PAPPA2: variants seen among roughly 807,000 people sequenced by gnomAD.
The protein encoded by PAPPA2 is pappalysin-2.
Under a neutral mutation model 176.4 loss-of-function variants are expected in PAPPA2, and 86 were observed. The ratio of observed to expected loss-of-function variants is 0.49; its 90% CI spans 0.41 to 0.58. PAPPA2 has a LOEUF of 0.58. PAPPA2 is among the 20% of genes least tolerant of loss of function. The pLI, the probability that PAPPA2 is intolerant of heterozygous loss-of-function variation, is 0.00. For synonymous variants in PAPPA2, 809 were observed against 852.2 expected (o/e 0.95, Z 0.88); for missense variants, 2,073 against 2,256.9 (o/e 0.92, Z 1.65).
chr1:176,484,552 G>T (rs2223579), intron 1 of PAPPA2, among the ~76,000 whole-genome samples: 113,347 of 152,114 alleles, frequency 0.75, 43,378 homozygotes, highest in East Asian at 0.96. Context: ...GCCATTTTTC[G>T]GTTTGCTTTG....
rs527596350 is a variant in PAPPA2 at position 176,566,294 on chromosome 1, C to T, written c.919+9053C>T. 2.0e-5 allele frequency among the ~76,000 whole-genome samples: 3 copies of T among 152,204 alleles called. No homozygotes were observed. In the East Asian group the frequency reaches 5.8e-4, roughly 29 times the overall value. On this transcript the variant is annotated intron_variant, in intron 2 of 22. Transcript: ENST00000367662. ...GCAGGTGGGGGAAGGAGAATCACTTCCAGGCAGTGGTGTAGAGGGGTTTTC... is the reference window on the plus strand; with the variant it reads ...GCAGGTGGGGGAAGGAGAATCACTTTCAGGCAGTGGTGTAGAGGGGTTTTC...
At chr1:176,537,022 C>A (rs558753062) in intron 1 of PAPPA2, among the ~76,000 whole-genome samples, 1 of 152,234 alleles carries the variant, frequency 6.6e-6, no homozygotes, top group South Asian at 2.1e-4. Context: ...TCTGTGTGAA[C>A]CTTAGTTATT....
chr1:176,691,760 A>G (rs1033020990), intron 5 of PAPPA2, among the ~76,000 whole-genome samples: 1 of 152,206 alleles, frequency 6.6e-6, no homozygotes, highest in African/African-American at 2.4e-5. Context: ...TCACTGGGCA[A>G]TAAAGCAGGT....
intron 2 of PAPPA2, among the ~76,000 whole-genome samples, chr1:176,590,537 G>A (rs1653594690): frequency 6.6e-6 from 1 of 152,052 alleles, no homozygotes; most frequent in African/African-American, 2.4e-5. Flanking sequence ...CACAGCTAAT[G>A]TTTATTAATC....
chr1:176,568,001 G>A lies in PAPPA2; in HGVS notation c.919+10760G>A, dbSNP rs545523187. ...GCAGTTTCACACCTCAGTTGTGGGT[G>A]CATCCACATCACATTAAGTAGAGAT... On this transcript the variant is annotated intron_variant, in intron 2 of 22. Transcript: ENST00000367662. 2.0e-5 allele frequency among the ~76,000 whole-genome samples: 3 copies of A among 152,328 alleles called. No homozygotes were observed. In the East Asian group the frequency reaches 5.8e-4, roughly 29 times the overall value.
In PAPPA2 at chr1:176,596,285, C is replaced by T. The variant is rs370032194; in HGVS notation, c.1991+690C>T. Among the ~76,000 whole-genome samples the T allele has an allele frequency of 6.6e-5, 10 of 152,316 alleles. 1 individual carries two copies. Among genetic ancestry groups the T allele is most frequent in the Admixed American group, 1.3e-4 (2 of 15,300 alleles). On this transcript the variant is annotated intron_variant, in intron 3 of 22. Coordinates refer to ENST00000367662, the MANE Select transcript of PAPPA2 (RefSeq NM_020318.3). ...TCTGAACCCCCTACCTGATACACAGCCTCTTAATGCAATCTGGCCTCTGTC... is the reference window on the plus strand; with the variant it reads ...TCTGAACCCCCTACCTGATACACAGTCTCTTAATGCAATCTGGCCTCTGTC...
At chr1:176,623,614 C>T (rs946346219) in intron 3 of PAPPA2, among the ~76,000 whole-genome samples, 2,723 of 86,474 alleles carry the variant, frequency 0.031, 79 homozygotes, top group African/African-American at 0.086. Flanking sequence ...TTCCTTCCTT[C>T]CTTCCTTCCT....
intron 2 of PAPPA2, among the ~76,000 whole-genome samples, chr1:176,589,318 T>G (rs186014943): frequency 2.6e-5 from 4 of 152,326 alleles, no homozygotes; most frequent in Non-Finnish European, 5.9e-5. Flanking sequence ...ATGCAAATGA[T>G]GTTTGCTAAG....
chr1:176,499,071 G>C (rs1572972082), intron 1 of PAPPA2, among the ~76,000 whole-genome samples: 1 of 151,962 alleles, frequency 6.6e-6, no homozygotes, highest in Non-Finnish European at 1.5e-5. Flanking sequence ...TAGCATATTG[G>C]GTGACGCAGA....
intron 14 of PAPPA2, among the ~76,000 whole-genome samples, chr1:176,761,365 G>T (rs1663691947): frequency 2.6e-5 from 4 of 152,124 alleles, no homozygotes; most frequent in Admixed American, 2.6e-4. Flanking sequence ...ATCTGACAAG[G>T]TACATCATAT....
chr1:176,610,472 G>A (rs976477940), intron 3 of PAPPA2, among the ~76,000 whole-genome samples: 17 of 152,280 alleles, frequency 1.1e-4, no homozygotes, highest in East Asian at 1.9e-4. Context: ...TTGGGTGGCT[G>A]TAAGCTTCAT....
At chr1:176,571,599 G>A (rs1305058203) in intron 2 of PAPPA2, among the ~76,000 whole-genome samples, 3 of 152,164 alleles carry the variant, frequency 2.0e-5, no homozygotes, top group African/African-American at 7.2e-5. Context: ...GCCAGGTCTG[G>A]CTCATGTTCC....
intron 1 of PAPPA2, among the ~76,000 whole-genome samples, chr1:176,465,755 C>A (rs1426493595): frequency 6.6e-6 from 1 of 151,364 alleles, no homozygotes; most frequent in East Asian, 1.9e-4. Flanking sequence ...GGTATTAAGC[C>A]TAGTACCCAT....
At chr1:176,587,474 T>A (rs1215276632) in intron 2 of PAPPA2, among the ~76,000 whole-genome samples, 1 of 152,198 alleles carries the variant, frequency 6.6e-6, no homozygotes, top group Non-Finnish European at 1.5e-5. Context: ...GTGTAAGTTG[T>A]AAGGAAGGGG....
chr1:176,686,397 A>G (rs779298818), intron 4 of PAPPA2, among the ~76,000 whole-genome samples: 1 of 152,180 alleles, frequency 6.6e-6, no homozygotes, highest in Non-Finnish European at 1.5e-5. Flanking sequence ...CGAGAACAGC[A>G]TAAGGGAAAC....
intron 3 of PAPPA2, among the ~76,000 whole-genome samples, chr1:176,667,304 A>C (rs1053774462): frequency 6.6e-6 from 1 of 152,120 alleles, no homozygotes; most frequent in African/African-American, 2.4e-5. Flanking sequence ...CTTCACACAA[A>C]TGTTGAAATT....
At position 176,828,313 on chromosome 1, in the gene PAPPA2, ACC is replaced by A. The variant is rs1404458408; in HGVS notation, c.5203-11859_5203-11858del. Among the ~76,000 whole-genome samples the A allele has an allele frequency of 2.2e-4, 33 of 152,178 alleles. 1 individual carries two copies. The highest frequency in any genetic ancestry group is 2.0e-3 in the Admixed American group (30 of 15,278). On this transcript the variant is annotated intron_variant, in intron 21 of 22. Transcript: ENST00000367662. ...CACATGTACAAACCTTGTAGTACAC[ACC>A]ACACACCTATATAAAACAAAAATAG...
At chr1:176,545,361 G>A (rs536675113) in intron 1 of PAPPA2, among the ~76,000 whole-genome samples, 14 of 151,754 alleles carry the variant, frequency 9.2e-5, no homozygotes, top group African/African-American at 2.7e-4. Context: ...AAATATAGTC[G>A]CCTTCTCTCT....
At chr1:176,547,939 A>G (rs1013183481) in intron 1 of PAPPA2, among the ~76,000 whole-genome samples, 1 of 152,192 alleles carries the variant, frequency 6.6e-6, no homozygotes, top group Non-Finnish European at 1.5e-5. Flanking sequence ...TACATGTAAC[A>G]TGTACGAAAA....
Sources: allele counts gnomAD v4.1 joint callset (sites outside exome capture counted in the v4.1 genomes callset), GRCh38; gene constraint gnomAD v4.1.1; transcripts MANE v1.5; gene names NCBI Gene and HGNC (gene_info 2026-07-23, HGNC 2026-07-21).